The following UGT1A9 variants were observed in gnomAD, a reference collection of about 807,000 sequenced individuals.
The protein encoded by UGT1A9 is UDP-glucuronosyltransferase 1A9.
A neutral mutation model predicts 45.0 loss-of-function variants in UGT1A9; 35 were observed. The ratio of observed to expected loss-of-function variants is 0.78; its 90% CI spans 0.59 to 1.03. The LOEUF is 1.03. Among genes scored for constraint, UGT1A9 ranks in the 50% least tolerant of loss-of-function variants. The pLI is 0.00. For synonymous variants in UGT1A9, 278 were observed against 250.6 expected (o/e 1.11, Z -1.03); for missense variants, 687 against 666.6 (o/e 1.03, Z -0.34).
At position 233,767,184 on chromosome 2, in the gene UGT1A9, A is replaced by T. The variant is rs1373599662; in HGVS notation, c.987+19A>T. 3.7e-6 allele frequency: 6 copies of T among 1,613,882 alleles called. No individual in the cohort carries two copies. Among genetic ancestry groups the T allele is most frequent in the Non-Finnish European group, 5.1e-6 (6 of 1,179,970 alleles). ...TCAGACAGTAAGAAGATTCTATACCATGGCCTCATATCTATTTTCACAGGA... is the reference window on the plus strand; with the variant it reads ...TCAGACAGTAAGAAGATTCTATACCTTGGCCTCATATCTATTTTCACAGGA... On this transcript the variant is annotated intron_variant, in intron 2 of 4. Coordinates refer to ENST00000354728, the MANE Select transcript of UGT1A9 (RefSeq NM_021027.3).
At chr2:233,748,721 A>G (rs555676494) in intron 1 of UGT1A9, among the ~76,000 whole-genome samples, 1 of 151,762 alleles carries the variant, frequency 6.6e-6, no homozygotes, top group East Asian at 1.9e-4. Context: ...CTGGTGCATG[A>G]TGTGGGGACA....
intron 1 of UGT1A9, chr2:233,713,523 T>C (rs2076327329): frequency 6.2e-7 from 1 of 1,613,946 alleles, no homozygotes. Flanking sequence ...GAACATTCCA[T>C]GTGATTTAGA....
intron 1 of UGT1A9, among the ~76,000 whole-genome samples, chr2:233,726,632 C>T (rs2077548155): frequency 6.6e-6 from 1 of 152,176 alleles, no homozygotes; most frequent in Admixed American, 6.5e-5. Flanking sequence ...CCAGGACAAT[C>T]TCCCCATCTT....
chr2:233,764,154 G>A (rs967840775), intron 1 of UGT1A9, among the ~76,000 whole-genome samples: 1 of 152,226 alleles, frequency 6.6e-6, no homozygotes, highest in Non-Finnish European at 1.5e-5. Flanking sequence ...TTTGGCTGGT[G>A]AAGTCTCATC....
chr2:233,682,647 C>T, intron 1 of UGT1A9: 1 of 1,613,922 alleles, frequency 6.2e-7, no homozygotes, highest in Non-Finnish European at 8.5e-7. Flanking sequence ...ATTCTCCAAA[C>T]CCCTGTCACG....
intron 1 of UGT1A9, among the ~76,000 whole-genome samples, chr2:233,737,586 G>T (rs1642090076): frequency 6.6e-6 from 1 of 152,172 alleles, no homozygotes; most frequent in African/African-American, 2.4e-5. Flanking sequence ...CAGTCCCAAT[G>T]AGATGAACCA....
intron 1 of UGT1A9, among the ~76,000 whole-genome samples, chr2:233,700,294 G>A (rs1048502778): frequency 2.0e-5 from 3 of 152,140 alleles, no homozygotes; most frequent in Admixed American, 2.0e-4. Flanking sequence ...ACGTGACTTA[G>A]GCCAATGTCT....
At position 233,760,794 on chromosome 2, in the gene UGT1A9, ATTC is replaced by A. The variant is rs587776762; in HGVS notation, c.856-6234_856-6232del. On this transcript the variant is annotated intron_variant, in intron 1 of 4. Transcript: ENST00000354728. The stretch of plus-strand genomic sequence containing the variant: ...CCCAGTACCTGTCTCTGCCCACTGT[ATTC>A]TTCTTGCATGCACTGCCATGCAGCC... 8.7e-6 allele frequency: 14 copies of A among 1,613,302 alleles called. No homozygotes were observed. Among genetic ancestry groups the A allele is most frequent in the Non-Finnish European group, 1.2e-5 (14 of 1,179,518 alleles).
At chr2:233,771,270 C>A (rs1244273988) in intron 4 of UGT1A9, 1 of 150,946 alleles carries the variant, frequency 6.6e-6, no homozygotes, top group African/African-American at 2.4e-5. Context: ...CTTTTTTTTT[C>A]TTTCTTCTCC....
chr2:233,681,888 A>G (rs2074543843), intron 1 of UGT1A9: 3 of 1,582,936 alleles, frequency 1.9e-6, no homozygotes, highest in Non-Finnish European at 2.6e-6. Flanking sequence ...CACTTACTAT[A>G]TTATAGGAGC....
chr2:233,690,618 A>C, intron 1 of UGT1A9: 1 of 1,288,742 alleles, frequency 7.8e-7, no homozygotes, highest in Non-Finnish European at 1.0e-6. Flanking sequence ...TTGCCTGGAC[A>C]CTCAAGTGAT....
chr2:233,713,067 G>A (rs750927090), intron 1 of UGT1A9: 1 of 1,614,158 alleles, frequency 6.2e-7, no homozygotes, highest in Non-Finnish European at 8.5e-7. Flanking sequence ...CCAGCCCTGG[G>A]CTGAGAGTGG....
chr2:233,732,056 T>C (rs1452180341), intron 1 of UGT1A9, among the ~76,000 whole-genome samples: 3 of 152,242 alleles, frequency 2.0e-5, no homozygotes, highest in Admixed American at 6.5e-5. Context: ...CATTTATTCA[T>C]GTGTCTGTTG....
At chr2:233,686,603 T>C (rs1019281433) in intron 1 of UGT1A9, among the ~76,000 whole-genome samples, 2 of 151,706 alleles carry the variant, frequency 1.3e-5, no homozygotes, top group African/African-American at 2.4e-5. Context: ...TCTTTGACTG[T>C]CTCTCTCTCT....
chr2:233,772,882 T>C lies in UGT1A9; in HGVS notation c.*323T>C. 1.8e-6 allele frequency: 1 copy of C among 558,640 alleles called. No homozygotes were observed. Among genetic ancestry groups the C allele is most frequent in the Non-Finnish European group, 2.8e-6 (1 of 359,816 alleles). The allele number at this position is 558,640 out of a possible 1,614,324, so 34.6% of individuals were successfully genotyped here. ...CATGGCCTGTTTGGGAGTGCGGGAT[T>C]CAAAGGTGGTCCCACGGCTGCCCCT... On this transcript the variant is annotated 3_prime_UTR_variant, in exon 5 of 5. Transcript: ENST00000354728.
intron 1 of UGT1A9, among the ~76,000 whole-genome samples, chr2:233,696,130 A>G (rs1401105954): frequency 6.6e-6 from 1 of 152,228 alleles, no homozygotes; most frequent in Non-Finnish European, 1.5e-5. Context: ...AACTGCCCCA[A>G]TATATCCCAT....
At chr2:233,698,811 CT>C (rs1271175599) in intron 1 of UGT1A9, among the ~76,000 whole-genome samples, 1 of 152,244 alleles carries the variant, frequency 6.6e-6, no homozygotes, top group Non-Finnish European at 1.5e-5. Context: ...CCAGCCTCGC[CT>C]TGTGGAAGAG....
chr2:233,697,083 C>G (rs1335387953), intron 1 of UGT1A9, among the ~76,000 whole-genome samples: 1 of 151,984 alleles, frequency 6.6e-6, no homozygotes, highest in Non-Finnish European at 1.5e-5. Context: ...CAGGGTAACA[C>G]TGGTCTCACA....
chr2:233,743,842 C>T (rs1312488571), intron 1 of UGT1A9: 2 of 1,367,178 alleles, frequency 1.5e-6, no homozygotes, highest in Admixed American at 3.8e-5. Flanking sequence ...TGAGCGCCAG[C>T]TTGCGGTACG....
Sources: gnomAD v4.1 joint callset for allele counts (sites outside exome capture counted in the v4.1 genomes callset) on GRCh38, gnomAD v4.1.1 for gene constraint, MANE v1.5 for transcripts, NCBI Gene and HGNC (gene_info 2026-07-23, HGNC 2026-07-21) for gene names.